The following RPS6KA3 variants were observed in gnomAD, a reference collection of about 807,000 sequenced individuals.
RPS6KA3 encodes the protein ribosomal protein S6 kinase A3, also known as ribosomal protein S6 kinase alpha-3.
Under a neutral mutation model 67.2 loss-of-function variants are expected in RPS6KA3, and 4 were observed. The observed-to-expected ratio is 0.06, with a 90% CI of 0.03 to 0.14. RPS6KA3 has a LOEUF of 0.14. RPS6KA3 is among the 10% of genes least tolerant of loss of function. RPS6KA3 has a pLI of 1.00. For missense variants in RPS6KA3, 204 were observed against 559.0 expected, an observed-to-expected ratio of 0.36 and a Z score of 6.40; for synonymous variants, 182 against 183.7, an observed-to-expected ratio of 0.99 and a Z score of 0.07.
intron 2 of RPS6KA3, among the ~76,000 whole-genome samples, chrX:20,233,972 A>C (rs2069341295): frequency 8.9e-6 from 1 of 112,203 alleles, no homozygotes; most frequent in East Asian, 2.8e-4. Flanking sequence ...ACAATTTATT[A>C]ATTCATTTAT....
chrX:20,223,417 G>C (rs2148763181), intron 2 of RPS6KA3, among the ~76,000 whole-genome samples: 1 of 110,407 alleles, frequency 9.1e-6, no homozygotes, highest in South Asian at 3.7e-4. Context: ...CGGAAAGTGT[G>C]GTAGTGCTAA....
chrX:20,234,348 G>A (rs924847977), intron 2 of RPS6KA3, among the ~76,000 whole-genome samples: 2 of 110,855 alleles, frequency 1.8e-5, no homozygotes, highest in Admixed American at 9.6e-5. Flanking sequence ...GGTGGTGAGC[G>A]CCTGTAATCC....
intron 14 of RPS6KA3, among the ~76,000 whole-genome samples, chrX:20,174,235 C>T (rs1317615453): frequency 9.0e-6 from 1 of 111,513 alleles, no homozygotes; most frequent in Non-Finnish European, 1.9e-5. Flanking sequence ...TCATAGCTGA[C>T]CTGAAGGAGG....
Position 20,155,240 on chromosome X carries a change from G to C in RPS6KA3, c.*158C>G. On this transcript the variant is annotated 3_prime_UTR_variant, in exon 22 of 22. Coordinates refer to ENST00000379565, the MANE Select transcript of RPS6KA3 (RefSeq NM_004586.3). ...ACTTGCTAACAATCATTTAAAGCGA[G>C]AAGAGAGGAAAGCAGGAGCAGCAGC... The C allele has an allele frequency of 1.7e-6, 1 of 602,536 alleles. No individual in the cohort carries two copies. Among genetic ancestry groups the C allele is most frequent in the South Asian group, 2.5e-5 (1 of 40,803 alleles). 49.7% of individuals were successfully genotyped at this position (602,536 alleles called of 1,213,427 possible). A position where few individuals can be genotyped will look rare whatever the true frequency, so the allele number is the denominator to read the frequency against.
chrX:20,218,683 T>C lies in RPS6KA3; in HGVS notation c.127-9279A>G, dbSNP rs747143874. The C allele has an allele frequency of 1.4e-4, 72 of 516,902 alleles. No homozygotes were observed. In the Middle Eastern group the frequency reaches 3.4e-3, roughly 25 times the overall value. 42.6% of individuals were successfully genotyped at this position (516,902 alleles called of 1,213,427 possible). ...CTTTAAAAGTTCTATCAAAACAGGT[T>C]TTGAATTTTGAAAAGCTGCTTTAAA... On this transcript the variant is annotated intron_variant, in intron 2 of 21. Transcript: ENST00000379565.
rs776143523 is a variant in RPS6KA3, at chrX:20,228,163, C to T, written c.126+6595G>A. Among the ~76,000 whole-genome samples, 13 of 111,968 alleles carry T rather than the reference C, an allele frequency of 1.2e-4. No homozygotes were observed. In the South Asian group the frequency reaches 4.8e-3, roughly 41 times the overall value. ...AGGACACTAATTAAACTTGCTTTTTCCCTGCATTGTTTGTTCCTCCAAGAT... is the reference window on the plus strand; with the variant it reads ...AGGACACTAATTAAACTTGCTTTTTTCCTGCATTGTTTGTTCCTCCAAGAT... On this transcript the variant is annotated intron_variant, in intron 2 of 21. Transcript: ENST00000379565.
intron 1 of RPS6KA3, among the ~76,000 whole-genome samples, chrX:20,253,084 C>T (rs749925787): frequency 9.1e-6 from 1 of 110,112 alleles, no homozygotes; most frequent in East Asian, 2.9e-4. Context: ...TGAGGGAAAA[C>T]GCTTCCTGCC....
chrX:20,167,771 T>C (rs1172091732), intron 16 of RPS6KA3, 24 bp from the exon 17 acceptor site: 4 of 996,338 alleles, frequency 4.0e-6, no homozygotes, highest in Non-Finnish European at 5.7e-6. Context: ...CATCAAAATG[T>C]AAATATTATT....
At chrX:20,180,406 T>C (rs1008636193) in intron 10 of RPS6KA3, among the ~76,000 whole-genome samples, 3 of 111,799 alleles carry the variant, frequency 2.7e-5, no homozygotes, top group African/African-American at 9.7e-5. Flanking sequence ...AAAAAAAAAT[T>C]TCCATACTCC....
At chrX:20,266,313 G>A (rs1486749889) in intron 1 of RPS6KA3, among the ~76,000 whole-genome samples, 2 of 110,794 alleles carry the variant, frequency 1.8e-5, no homozygotes, top group African/African-American at 3.3e-5. Context: ...AAGCCCCAGC[G>A]CCCACTCCAA....
chrX:20,265,246 G>A (rs2070341994), intron 1 of RPS6KA3, among the ~76,000 whole-genome samples: 1 of 111,695 alleles, frequency 9.0e-6, no homozygotes, highest in South Asian at 3.7e-4. Context: ...AGCAGCGGAG[G>A]TGACTGGGGG....
At chrX:20,226,696 T>G (rs1202296637) in intron 2 of RPS6KA3, among the ~76,000 whole-genome samples, 1 of 112,220 alleles carries the variant, frequency 8.9e-6, no homozygotes, top group Non-Finnish European at 1.9e-5. Flanking sequence ...CAAAAAGCAT[T>G]TCAAGGCTTG....
chrX:20,154,364 TATC>T lies in RPS6KA3; in HGVS notation c.*1031_*1033del, dbSNP rs1360636408. Reference sequence around the variant, plus strand: ...ATTTAAATTAGTGTTTAATATAGAATATCTATTTAAACATGAAATATCCAATAG... The same window carrying T: ...ATTTAAATTAGTGTTTAATATAGAATTATTTAAACATGAAATATCCAATAG... On this transcript the variant is annotated 3_prime_UTR_variant, in exon 22 of 22. Transcript: ENST00000379565. 3.6e-5 allele frequency: 4 copies of T among 112,641 alleles called. No homozygotes were observed. The highest frequency in any genetic ancestry group is 1.3e-4 in the African/African-American group (4 of 30,996). The allele number at this position is 112,641 out of a possible 1,213,427, so 9.3% of individuals were successfully genotyped here. A position where few individuals can be genotyped will look rare whatever the true frequency, so the allele number is the denominator to read the frequency against.
intron 10 of RPS6KA3, among the ~76,000 whole-genome samples, chrX:20,178,542 G>A (rs959604802): frequency 2.0e-5 from 2 of 100,094 alleles, no homozygotes; most frequent in Non-Finnish European, 4.0e-5. Context: ...GCACAATCTC[G>A]GCTCACTGCA....
At chrX:20,265,700 G>A (rs1181382124) in intron 1 of RPS6KA3, 1 of 111,143 alleles carries the variant, frequency 9.0e-6, no homozygotes, top group Non-Finnish European at 1.9e-5. Flanking sequence ...GTTGTTCTGG[G>A]ATAGGGGCGG....
chrX:20,221,631 G>A (rs899674273), intron 2 of RPS6KA3, among the ~76,000 whole-genome samples: 1 of 111,774 alleles, frequency 8.9e-6, no homozygotes, highest in Non-Finnish European at 1.9e-5. Context: ...GTAAGGCTGC[G>A]TTCCAATAAA....
At chrX:20,266,213 C>A (rs1349598784) in intron 1 of RPS6KA3, 1 of 178,431 alleles carries the variant, frequency 5.6e-6, no homozygotes, top group Non-Finnish European at 1.1e-5. Context: ...AGCCCCCGAC[C>A]CGGCTGGGCC....
chrX:20,198,817 G>C (rs1047212450), intron 4 of RPS6KA3, among the ~76,000 whole-genome samples: 1 of 111,994 alleles, frequency 8.9e-6, no homozygotes, highest in African/African-American at 3.2e-5. Flanking sequence ...ACAAAGACTG[G>C]ATATCTTTAT....
chrX:20,206,323 C>T (rs1027980796), intron 3 of RPS6KA3, among the ~76,000 whole-genome samples: 8 of 112,009 alleles, frequency 7.1e-5, no homozygotes, highest in Admixed American at 2.8e-4. Context: ...CTTTTAAAGA[C>T]GTAAAGGGAG....
Sources: gnomAD v4.1 joint callset for allele counts (sites outside exome capture counted in the v4.1 genomes callset) on GRCh38, gnomAD v4.1.1 for gene constraint, MANE v1.5 for transcripts, NCBI Gene and HGNC (gene_info 2026-07-23, HGNC 2026-07-21) for gene names.